HYDIN: variants seen among roughly 807,000 people sequenced by gnomAD.
HYDIN encodes HYDIN axonemal central pair apparatus protein.
HYDIN carries 132 observed loss-of-function variants against 403.9 expected under a neutral mutation model. The ratio of observed to expected loss-of-function variants is 0.33; its 90% CI spans 0.28 to 0.38. The LOEUF (loss-of-function observed/expected upper bound fraction) is 0.38, where lower values mean the gene tolerates loss of function less well. HYDIN is among the 10% of genes least tolerant of loss of function. The pLI is 1.00. For synonymous variants in HYDIN, 1,202 were observed against 1,891.7 expected (o/e 0.64, Z 9.46); for missense variants, 2,827 against 5,009.5 (o/e 0.56, Z 13.15).
intron 17 of HYDIN, 142 bp downstream of exon 17, chr16:71,062,027 T>C (rs1013386207): frequency 3.1e-6 from 2 of 652,242 alleles, no homozygotes; most frequent in Middle Eastern, 2.6e-4. Context: ...TATTTTACCA[T>C]TGCAGAGTAA....
chr16:70,821,593 T>C (rs1313421789), intron 83 of HYDIN, among the ~76,000 whole-genome samples: 5 of 151,470 alleles, frequency 3.3e-5, no homozygotes, highest in African/African-American at 1.2e-4. Flanking sequence ...ATATGTATTT[T>C]TCCCCCCTGG....
At chr16:71,085,768 C>G (rs2082914446) in intron 12 of HYDIN, among the ~76,000 whole-genome samples, 1 of 152,188 alleles carries the variant, frequency 6.6e-6, no homozygotes, top group Admixed American at 6.5e-5. Context: ...ATAACATAGA[C>G]TCTCCAGCTT....
At chr16:71,135,827 A>G (rs1394958725) in intron 8 of HYDIN, among the ~76,000 whole-genome samples, 1 of 141,946 alleles carries the variant, frequency 7.0e-6, no homozygotes, top group Admixed American at 7.1e-5. Context: ...CACAGTGGCA[A>G]TTCAGTGATT....
chr16:71,163,869 C>T (rs546082022), intron 5 of HYDIN, among the ~76,000 whole-genome samples: 1 of 152,312 alleles, frequency 6.6e-6, no homozygotes, highest in Non-Finnish European at 1.5e-5. Flanking sequence ...TGTAATCATA[C>T]AGAACTAGCT....
At chr16:70,974,784 G>C in intron 31 of HYDIN, 114 bp from the exon 32 acceptor site, 2 of 680,436 alleles carry the variant, frequency 2.9e-6, no homozygotes, top group East Asian at 2.7e-5. Flanking sequence ...TTATTCTCCA[G>C]AGTGGAGAAC....
intron 1 of HYDIN, among the ~76,000 whole-genome samples, chr16:71,218,555 C>T (rs1200992084): frequency 2.6e-5 from 4 of 152,270 alleles, no homozygotes; most frequent in South Asian, 4.1e-4. Flanking sequence ...TTACAAACAG[C>T]GATGTAAAAA....
intron 50 of HYDIN, among the ~76,000 whole-genome samples, chr16:70,906,826 C>G (rs2076550340): frequency 1.3e-5 from 2 of 152,222 alleles, no homozygotes; most frequent in Non-Finnish European, 2.9e-5. Context: ...TTCAGTGTAG[C>G]AACCATGTCC....
At position 70,808,017 on chromosome 16, in the gene HYDIN, G is replaced by A. The variant is rs550930002; in HGVS notation, c.14929C>T (p.Pro4977Ser). 6.2e-7 allele frequency: 1 copy of A among 1,613,788 alleles called. No individual in the cohort carries two copies. Among genetic ancestry groups the A allele is most frequent in the East Asian group, 2.2e-5 (1 of 44,856 alleles). Residue 4977 changes from proline to serine, a missense_variant, in exon 86 of 86, where the codon CCA becomes TCA. Physicochemically the swap from Pro to Ser is moderately conservative, Grantham distance 74. Coordinates refer to ENST00000393567, the MANE Select transcript of HYDIN (RefSeq NM_001270974.2). The stretch of plus-strand genomic sequence containing the variant: ...GCTTCAGTGCCTCCCTGGCCTCCTG[G>A]GGCTGCATTAATGAGTTTTTCTGCG... ...FHAEKLINAA[P>S]GGQGGTEASV...
intron 45 of HYDIN, among the ~76,000 whole-genome samples, chr16:70,934,670 C>G (rs992412798): frequency 6.7e-6 from 1 of 149,906 alleles, no homozygotes; most frequent in African/African-American, 2.5e-5. Flanking sequence ...AAGTGATACA[C>G]AAGCCTGTCT....
At chr16:71,020,444 G>A in intron 21 of HYDIN, 127 bp from the exon 22 acceptor site, 1 of 1,333,116 alleles carries the variant, frequency 7.5e-7, no homozygotes, top group Non-Finnish European at 1.0e-6. Flanking sequence ...GTGTGTGTGT[G>A]TGTGTATATA....
At chr16:71,135,848 G>A (rs1443193620) in intron 8 of HYDIN, among the ~76,000 whole-genome samples, 1 of 141,758 alleles carries the variant, frequency 7.1e-6, no homozygotes, top group African/African-American at 2.6e-5. Context: ...AAAGCTCATT[G>A]TCTGAATGAC....
At chr16:71,030,395 G>A (rs945724380) in intron 19 of HYDIN, among the ~76,000 whole-genome samples, 15 of 151,030 alleles carry the variant, frequency 9.9e-5, no homozygotes, top group African/African-American at 3.7e-4. Flanking sequence ...ATATATGTGT[G>A]TGTGTATATG....
intron 8 of HYDIN, among the ~76,000 whole-genome samples, chr16:71,135,286 G>A (rs540949364): frequency 1.5e-3 from 229 of 152,082 alleles, no homozygotes; most frequent in African/African-American, 5.4e-3. Flanking sequence ...ATAGGGGTGT[G>A]AGTGTCAGGG....
chr16:70,921,260 A>G lies in HYDIN; in HGVS notation c.7159-43T>C, dbSNP rs374391095. ...GAAAAGATGCGTCAAACAGTTTTTT[A>G]CGGGGTAGTAAATTGCATAAGGAGG... On this transcript the variant is annotated intron_variant, in intron 45 of 85. Transcript: ENST00000393567. 440 of 1,522,054 alleles carry G rather than the reference A, an allele frequency of 2.9e-4. No individual in the cohort carries two copies. In the African/African-American group the frequency reaches 5.3e-3, roughly 18 times the overall value. The allele number at this position is 1,522,054 out of a possible 1,614,324, so 94.3% of individuals were successfully genotyped here. A position where few individuals can be genotyped will look rare whatever the true frequency, so the allele number is the denominator to read the frequency against.
At chr16:70,951,248 C>CAGAGAGAGAGAGAGAGAG (rs376262243) in intron 41 of HYDIN, among the ~76,000 whole-genome samples, 1 of 130,304 alleles carries the variant, frequency 7.7e-6, no homozygotes, top group Non-Finnish European at 1.6e-5. Context: ...GGAAAAGGGA[C>CAGAGAGAGAGAGAGAGAG]AGAGAGAGAG....
At chr16:71,199,100 T>C (rs901590926) in intron 1 of HYDIN, among the ~76,000 whole-genome samples, 1 of 152,252 alleles carries the variant, frequency 6.6e-6, no homozygotes, top group Admixed American at 6.5e-5. Context: ...TATCTTTTCA[T>C]ACATTTGTTG....
At chr16:70,831,166 G>A (rs1216368764) in intron 80 of HYDIN, among the ~76,000 whole-genome samples, 4 of 151,424 alleles carry the variant, frequency 2.6e-5, no homozygotes, top group South Asian at 2.1e-4. Flanking sequence ...GTATGTAGAC[G>A]AAAGAAGGAA....
chr16:70,911,264 A>G (rs930805487), intron 47 of HYDIN, among the ~76,000 whole-genome samples: 1 of 143,818 alleles, frequency 7.0e-6, no homozygotes, highest in Admixed American at 7.0e-5. Flanking sequence ...TTAAGTCCTT[A>G]ATCCATCTTG....
intron 1 of HYDIN, among the ~76,000 whole-genome samples, chr16:71,204,466 C>T (rs1287135558): frequency 2.6e-5 from 4 of 152,188 alleles, no homozygotes; most frequent in Non-Finnish European, 5.9e-5. Flanking sequence ...CTAGTTTGAC[C>T]GTTCTCGATT....
Sources: gnomAD v4.1 joint callset for allele counts (sites outside exome capture counted in the v4.1 genomes callset) on GRCh38, gnomAD v4.1.1 for gene constraint, MANE v1.5 for transcripts, NCBI Gene and HGNC (gene_info 2026-07-23, HGNC 2026-07-21) for gene names.